TRAPPC9: variants seen among roughly 807,000 people sequenced by gnomAD.
The protein encoded by TRAPPC9 is IKK2 binding protein.
TRAPPC9 carries 83 observed loss-of-function variants against 124.0 expected under a neutral mutation model. That is an observed-to-expected ratio of 0.67 (90% confidence interval 0.56 to 0.80). The LOEUF is 0.80. TRAPPC9 is among the 30% of genes least tolerant of loss of function. The pLI, the probability that TRAPPC9 is intolerant of heterozygous loss-of-function variation, is 0.00. For synonymous variants in TRAPPC9, 638 were observed against 617.5 expected (o/e 1.03, Z -0.49); for missense variants, 1,302 against 1,508.3 (o/e 0.86, Z 2.27).
At chr8:140,408,516 A>G (rs547264544) in intron 5 of TRAPPC9, among the ~76,000 whole-genome samples, 123 of 152,332 alleles carry the variant, frequency 8.1e-4, no homozygotes, top group Non-Finnish European at 1.5e-3. Context: ...AGAGAGAAGC[A>G]CAAAAAGGGC....
At chr8:140,022,535 G>C (rs1839884782) in intron 18 of TRAPPC9, among the ~76,000 whole-genome samples, 1 of 152,072 alleles carries the variant, frequency 6.6e-6, no homozygotes, top group South Asian at 2.1e-4. Flanking sequence ...AGATATCAAT[G>C]GGGAAAAAAA....
chr8:139,901,509 G>C (rs528914697), intron 20 of TRAPPC9, among the ~76,000 whole-genome samples: 27 of 152,236 alleles, frequency 1.8e-4, no homozygotes, highest in Admixed American at 1.6e-3. Context: ...TCACACAGTG[G>C]GACGCGCTGC....
rs1305571712 is a variant in TRAPPC9, at chr8:139,742,352, C to T, written c.3056-10150G>A. 6.6e-6 allele frequency among the ~76,000 whole-genome samples: 1 copy of T among 152,244 alleles called. No individual in the cohort carries two copies. Among genetic ancestry groups the T allele is most frequent in the African/African-American group, 2.4e-5 (1 of 41,458 alleles). On this transcript the variant is annotated intron_variant, in intron 21 of 22. Coordinates refer to ENST00000438773, the MANE Select transcript of TRAPPC9 (RefSeq NM_001160372.4). This position sits in a 1 kb window ranked among gnomAD's most constrained non-coding sequence, Gnocchi z 4.7. ...CCTGGGACAGCTGTTTGGAATGGCC[C>T]TTCTGTGCAGTCCTCTTTGCTTGCA...
chr8:140,398,574 G>A (rs2069161911), intron 6 of TRAPPC9, among the ~76,000 whole-genome samples: 1 of 152,190 alleles, frequency 6.6e-6, no homozygotes, highest in Non-Finnish European at 1.5e-5. Flanking sequence ...GTGGCATTTT[G>A]CCCCTGCCCT....
At position 139,847,696 on chromosome 8, in the gene TRAPPC9, C is replaced by T. The variant is rs951073420; in HGVS notation, c.3055+38183G>A. On this transcript the variant is annotated intron_variant, in intron 21 of 22. Coordinates refer to ENST00000438773, the MANE Select transcript of TRAPPC9 (RefSeq NM_001160372.4). ...ATGAGCACCTGCCTTCCCGACGGCCCGGCCTGTGGATGGGCATGAGCACCT... is the reference window on the plus strand; with the variant it reads ...ATGAGCACCTGCCTTCCCGACGGCCTGGCCTGTGGATGGGCATGAGCACCT... Among the ~76,000 whole-genome samples, 8 of 149,372 alleles carry T rather than the reference C, an allele frequency of 5.4e-5. No individual in the cohort carries two copies. In the East Asian group the frequency reaches 9.9e-4, roughly 18 times the overall value.
intron 19 of TRAPPC9, among the ~76,000 whole-genome samples, chr8:139,944,619 G>A (rs1262573436): frequency 1.3e-5 from 2 of 152,036 alleles, no homozygotes; most frequent in Non-Finnish European, 1.5e-5. Flanking sequence ...ATTCATATGT[G>A]AATATGTAAT....
intron 17 of TRAPPC9, among the ~76,000 whole-genome samples, chr8:140,191,040 G>C (rs1381039409): frequency 2.0e-5 from 3 of 152,172 alleles, no homozygotes; most frequent in African/African-American, 7.2e-5. Context: ...GGAGAGGCCA[G>C]ATTAGGAGAG....
intron 6 of TRAPPC9, among the ~76,000 whole-genome samples, chr8:140,402,652 C>T (rs1262567969): frequency 7.5e-5 from 11 of 146,862 alleles, no homozygotes; most frequent in Non-Finnish European, 1.6e-4. Context: ...ACCGTGATCA[C>T]GCCACTGCAC....
chr8:139,943,558 ACACT>A (rs1304617358), intron 19 of TRAPPC9, among the ~76,000 whole-genome samples: 3 of 152,236 alleles, frequency 2.0e-5, no homozygotes, highest in Non-Finnish European at 4.4e-5. Flanking sequence ...AAGAGAAAAG[ACACT>A]CAATAAATTG....
chr8:139,935,844 C>A (rs974332857), intron 19 of TRAPPC9, among the ~76,000 whole-genome samples: 2 of 152,244 alleles, frequency 1.3e-5, no homozygotes, highest in African/African-American at 4.8e-5. Context: ...TTCATCCATA[C>A]AAGAACCCTT....
intron 17 of TRAPPC9, among the ~76,000 whole-genome samples, chr8:140,048,246 C>T (rs1420564736): frequency 6.6e-6 from 1 of 152,208 alleles, no homozygotes; most frequent in Non-Finnish European, 1.5e-5. Flanking sequence ...AGGACAGTGC[C>T]TGGCATATGC....
chr8:139,731,170 T>C lies in TRAPPC9; in HGVS notation c.3338A>G (p.Asp1113Gly), dbSNP rs1817793609. The C allele has an allele frequency of 6.2e-7, 1 of 1,613,448 alleles. No homozygotes were observed. The highest frequency in any genetic ancestry group is 8.5e-7 in the Non-Finnish European group (1 of 1,179,930). ...GTGGAACCGGATGTGGAGGAAGAAG[T>C]CTCCCGTGTAGAGGAAGAGGAGGGC... ...LGALLFLYTG[D>G]FFLHIRFHED... Residue 1113 changes from aspartate (D) to glycine (G), a missense_variant, in exon 23 of 23, where the codon GAC (aspartate) becomes GGC (glycine). Asp to Gly is a moderately conservative substitution (Grantham distance 94). Around this residue, in one of 3 missense-constraint regions of TRAPPC9, gnomAD observed 640 missense variants for 679.3 expected, o/e 0.94. Coordinates refer to ENST00000438773, the MANE Select transcript of TRAPPC9 (RefSeq NM_001160372.4).
rs35452775 is a variant in TRAPPC9 at position 140,233,623 on chromosome 8, CCA to C, written c.2432-12042_2432-12041del. ...CCCTCCCTCCCTCCCTCTCTCCCCACCACACACACACACACACACACACACAC... is the reference window on the plus strand; with the variant it reads ...CCCTCCCTCCCTCCCTCTCTCCCCACCACACACACACACACACACACACAC... On this transcript the variant is annotated intron_variant, in intron 16 of 22. Coordinates refer to ENST00000438773, the MANE Select transcript of TRAPPC9 (RefSeq NM_001160372.4). Among the ~76,000 whole-genome samples the C allele has an allele frequency of 9.5e-4, 86 of 90,830 alleles. 1 individual carries two copies. The highest frequency in any genetic ancestry group is 5.0e-3 in the South Asian group (12 of 2,404). 59.6% of individuals were successfully genotyped at this position (90,830 alleles called of 152,430 possible).
chr8:140,283,847 T>C (rs781427139), intron 14 of TRAPPC9, 42 bp downstream of exon 14: 43 of 1,606,972 alleles, frequency 2.7e-5, no homozygotes, highest in Non-Finnish European at 3.6e-5. Context: ...CCAAAAATGA[T>C]GCCTCAGAGC....
intron 21 of TRAPPC9, among the ~76,000 whole-genome samples, chr8:139,811,147 A>G (rs952954144): frequency 1.3e-5 from 2 of 152,266 alleles, no homozygotes; most frequent in African/African-American, 4.8e-5. Context: ...AGCCATTACA[A>G]AAGAACAAGG....
chr8:140,081,283 A>G (rs1477333456), intron 17 of TRAPPC9, among the ~76,000 whole-genome samples: 1 of 151,836 alleles, frequency 6.6e-6, no homozygotes, highest in Non-Finnish European at 1.5e-5. Context: ...AGATGGCTCC[A>G]ATGTCTTCTC....
intron 21 of TRAPPC9, among the ~76,000 whole-genome samples, chr8:139,765,288 G>C (rs952685750): frequency 2.6e-5 from 4 of 152,226 alleles, no homozygotes; most frequent in Non-Finnish European, 5.9e-5. Flanking sequence ...GCCAGGCTGA[G>C]GTCAAGAAGA....
rs1182728747 is a variant in TRAPPC9, at chr8:139,730,346, G to C, written c.*715C>G. 1 of 152,734 alleles carries C rather than the reference G, an allele frequency of 6.5e-6. No homozygotes were observed. The highest frequency in any genetic ancestry group is 6.5e-5 in the Admixed American group (1 of 15,316). 9.5% of individuals were successfully genotyped at this position (152,734 alleles called of 1,614,324 possible). A position where few individuals can be genotyped will look rare whatever the true frequency, so the allele number is the denominator to read the frequency against. On this transcript the variant is annotated 3_prime_UTR_variant, in exon 23 of 23. Transcript: ENST00000438773. ...CTAGCAGATGCAGGGAGGCAGGGAG[G>C]GGGAGGCAGGCCATTTATTGAAGAA... is the stretch of plus-strand genomic sequence containing the variant.
At chr8:140,217,867 A>G (rs1255050461) in intron 17 of TRAPPC9, among the ~76,000 whole-genome samples, 1 of 152,060 alleles carries the variant, frequency 6.6e-6, no homozygotes, top group Non-Finnish European at 1.5e-5. Flanking sequence ...AAACACAAAA[A>G]TTAGCTGGGC....
Sources: gnomAD v4.1 joint callset for allele counts (sites outside exome capture counted in the v4.1 genomes callset) on GRCh38, gnomAD v4.1.1 for gene constraint, gnomAD v4.1.1 regional missense constraint, Gnocchi (gnomAD v3.1) non-coding constraint, MANE v1.5 for transcripts, NCBI Gene and HGNC (gene_info 2026-07-23, HGNC 2026-07-21) for gene names.